ACTA2: variants seen among roughly 807,000 people sequenced by gnomAD.
ACTA2 encodes the protein actin, aortic smooth muscle.
ACTA2 carries 12 observed loss-of-function variants against 39.5 expected under a neutral mutation model. The observed-to-expected ratio is 0.30, with a 90% CI of 0.19 to 0.49. The LOEUF is 0.49. Ranked by LOEUF, ACTA2 falls within the 20% of genes least tolerant of loss-of-function variation. ACTA2 has a pLI of 0.99. For missense variants in ACTA2, 236 were observed against 498.8 expected (o/e 0.47, Z 5.02); for synonymous variants, 158 against 180.6 (o/e 0.88, Z 1.00).
At chr10:88,939,048 G>A (rs1845799527) in intron 7 of ACTA2, among the ~76,000 whole-genome samples, 1 of 152,114 alleles carries the variant, frequency 6.6e-6, no homozygotes, top group Non-Finnish European at 1.5e-5. Context: ...AAGATCAAGA[G>A]AACTAAGACT....
chr10:88,961,389 C>T (rs530970939), intron 1 of ACTA2, among the ~76,000 whole-genome samples: 16 of 152,142 alleles, frequency 1.1e-4, no homozygotes, highest in Non-Finnish European at 1.9e-4. Flanking sequence ...TTTTAAGTAT[C>T]CTTTAATTCT....
At chr10:88,973,419 T>C (rs1037866282) in intron 1 of ACTA2, 5 of 1,233,892 alleles carry the variant, frequency 4.1e-6, no homozygotes, top group Non-Finnish European at 5.3e-6. Flanking sequence ...CAACTCTTTC[T>C]TGTTAGCCAT....
At chr10:88,988,460 T>C (rs1353251042) in intron 1 of ACTA2, among the ~76,000 whole-genome samples, 2 of 150,662 alleles carry the variant, frequency 1.3e-5, no homozygotes, top group African/African-American at 4.9e-5. Context: ...ACTCTTCCTG[T>C]TTTTTTACAT....
At chr10:88,962,056 G>A (rs913886196) in intron 1 of ACTA2, among the ~76,000 whole-genome samples, 2 of 152,136 alleles carry the variant, frequency 1.3e-5, no homozygotes, top group Non-Finnish European at 2.9e-5. Context: ...GGGCAAGGAT[G>A]ACTGAAAAGG....
intron 4 of ACTA2, 50 bp from the exon 5 acceptor site, chr10:88,941,919 A>C: frequency 6.5e-7 from 1 of 1,533,376 alleles, no homozygotes; most frequent in Non-Finnish European, 8.9e-7. Flanking sequence ...CATCTGACAA[A>C]GAATGGTCAG....
At chr10:88,956,881 A>G (rs1034355715), upstream of ACTA2, among the ~76,000 whole-genome samples, 1 of 152,202 alleles carries the variant, frequency 6.6e-6, no homozygotes, top group Non-Finnish European at 1.5e-5. Flanking sequence ...GCATCTGGTG[A>G]GGGCCTTCTT....
At chr10:88,978,486 CT>C (rs1256754954) in intron 1 of ACTA2, among the ~76,000 whole-genome samples, 6 of 152,206 alleles carry the variant, frequency 3.9e-5, no homozygotes, top group Non-Finnish European at 7.4e-5. Flanking sequence ...GAAAACATAA[CT>C]GTGAATACAT....
intron 1 of ACTA2, among the ~76,000 whole-genome samples, chr10:88,957,831 G>A (rs771663270): frequency 1.3e-5 from 2 of 151,804 alleles, no homozygotes; most frequent in African/African-American, 2.4e-5. Flanking sequence ...GCAGTGGTGC[G>A]ACCTCGGCTC....
chr10:88,957,471 T>C (rs1174626672), upstream of ACTA2, among the ~76,000 whole-genome samples: 9 of 152,150 alleles, frequency 5.9e-5, no homozygotes, highest in Admixed American at 5.9e-4. Context: ...AAAATACCTA[T>C]TACTCCTTTG....
At chr10:88,936,684 G>A (rs1456201102) in intron 8 of ACTA2, among the ~76,000 whole-genome samples, 2 of 151,924 alleles carry the variant, frequency 1.3e-5, no homozygotes, top group African/African-American at 4.8e-5. Context: ...TGATGCTAGA[G>A]CTATGCTTCC....
chr10:88,981,667 G>A (rs1374384594), intron 1 of ACTA2, among the ~76,000 whole-genome samples: 2 of 152,158 alleles, frequency 1.3e-5, no homozygotes, highest in East Asian at 1.9e-4. Flanking sequence ...ATCCTGGGAA[G>A]GGAACACTGT....
At chr10:88,946,953 CG>C (rs1439916983) in intron 3 of ACTA2, 1 of 209,016 alleles carries the variant, frequency 4.8e-6, no homozygotes, top group Non-Finnish European at 9.6e-6. Context: ...CATGTGTTCT[CG>C]TTGTTCAATT....
At chr10:88,948,675 T>G in intron 2 of ACTA2, 127 bp downstream of exon 2, 1 of 1,298,284 alleles carries the variant, frequency 7.7e-7, no homozygotes, top group South Asian at 1.2e-5. Context: ...ACCTTAATCA[T>G]TAGAGGTCTA....
Position 88,990,763 on chromosome 10 carries a change from C to A in ACTA2, c.-24+176G>T. The A allele has an allele frequency of 7.2e-7, 1 of 1,390,620 alleles. No homozygotes were observed. The highest frequency in any genetic ancestry group is 1.0e-6 in the Non-Finnish European group (1 of 984,374). The allele number at this position is 1,390,620 out of a possible 1,614,324, so 86.1% of individuals were successfully genotyped here. On this transcript the variant is annotated intron_variant, in intron 1 of 4. Transcript: ENST00000415557. This position sits in a 1 kb window ranked among gnomAD's most constrained non-coding sequence, Gnocchi z 4.9. ...GGGCGGGCACTGGCACGGAACACAC[C>A]CTGAGGCCAGCCCTGGCTGCCCAGG... is the stretch of plus-strand genomic sequence containing the variant.
At chr10:88,941,536 G>GT in intron 5 of ACTA2, 146 bp from the exon 6 acceptor site, 1 of 1,057,832 alleles carries the variant, frequency 9.5e-7, no homozygotes, top group Non-Finnish European at 1.4e-6. Context: ...GGAGAGGTGA[G>GT]GTGGGACAGG....
intron 1 of ACTA2, among the ~76,000 whole-genome samples, chr10:88,987,635 T>C (rs891801084): frequency 6.6e-6 from 1 of 152,212 alleles, no homozygotes; most frequent in Non-Finnish European, 1.5e-5. Flanking sequence ...CCAGTAAAGA[T>C]CCCAAAATCT....
At chr10:88,944,597 A>G (rs570852968) in intron 3 of ACTA2, among the ~76,000 whole-genome samples, 8 of 152,292 alleles carry the variant, frequency 5.3e-5, no homozygotes, top group African/African-American at 1.9e-4. Context: ...TCTTGCCTCC[A>G]TCACCCTCTT....
chr10:88,940,237 C>G (rs1845822812), intron 6 of ACTA2: 1 of 194,006 alleles, frequency 5.2e-6, no homozygotes, highest in African/African-American at 2.3e-5. Flanking sequence ...GTCTCAGGAC[C>G]AGGCCTAGTC....
At chr10:88,966,145 A>G (rs144339109) in intron 1 of ACTA2, among the ~76,000 whole-genome samples, 1 of 152,216 alleles carries the variant, frequency 6.6e-6, no homozygotes. Context: ...GCATTTAAAC[A>G]AGAGCCACAC....
Sources: gnomAD v4.1 joint callset for allele counts (sites outside exome capture counted in the v4.1 genomes callset) on GRCh38, gnomAD v4.1.1 for gene constraint, Gnocchi (gnomAD v3.1) non-coding constraint, MANE v1.5 for transcripts, NCBI Gene and HGNC (gene_info 2026-07-23, HGNC 2026-07-21) for gene names.